The following TSNARE1 variants were observed in gnomAD, a reference collection of about 807,000 sequenced individuals.
TSNARE1 encodes t-SNARE domain-containing protein 1.
Under a neutral mutation model 62.0 loss-of-function variants are expected in TSNARE1, and 49 were observed. The observed-to-expected ratio is 0.79, with a 90% CI of 0.63 to 1.00. The LOEUF is 1.00. TSNARE1 is among the 50% of genes least tolerant of loss of function. The pLI, the probability that TSNARE1 is intolerant of heterozygous loss-of-function variation, is 0.00. For missense variants in TSNARE1, 755 were observed against 700.1 expected (o/e 1.08, Z -0.88); for synonymous variants, 328 against 294.4 (o/e 1.11, Z -1.17).
At chr8:142,375,646 G>A (rs1409054456) in intron 1 of TSNARE1, among the ~76,000 whole-genome samples, 1 of 152,268 alleles carries the variant, frequency 6.6e-6, no homozygotes, top group Non-Finnish European at 1.5e-5. Flanking sequence ...TCTCTCAAAG[G>A]TCTGACCCTT....
At chr8:142,401,721 C>G (rs1265706991) in intron 1 of TSNARE1, among the ~76,000 whole-genome samples, 1 of 152,238 alleles carries the variant, frequency 6.6e-6, no homozygotes, top group South Asian at 2.1e-4. Flanking sequence ...AGAGGTGACC[C>G]AGCCAAAACT....
At chr8:142,225,810 G>A (rs911869785) in intron 13 of TSNARE1, among the ~76,000 whole-genome samples, 31 of 152,208 alleles carry the variant, frequency 2.0e-4, no homozygotes, top group African/African-American at 2.9e-4. Flanking sequence ...TACCGTATGC[G>A]GGCGGTGCTC....
intron 11 of TSNARE1, chr8:142,279,888 G>A (rs1415320609): frequency 1.9e-5 from 20 of 1,038,030 alleles, no homozygotes; most frequent in Non-Finnish European, 2.3e-5. Flanking sequence ...TCTGGCCCTC[G>A]CCTTGGGGAC....
At chr8:142,223,267 C>T (rs188234947) in intron 13 of TSNARE1, among the ~76,000 whole-genome samples, 4 of 14,642 alleles carry the variant, frequency 2.7e-4, no homozygotes, top group African/African-American at 7.8e-4. Flanking sequence ...CACTCACTCA[C>T]TCATTCAGTC....
rs78552133 is a variant in TSNARE1, at chr8:142,227,170, T to C, written c.*11+2303A>G. Among the ~76,000 whole-genome samples, 47 of 143,054 alleles carry C rather than the reference T, an allele frequency of 3.3e-4. 1 individual carries two copies. The highest frequency in any genetic ancestry group is 9.5e-4 in the African/African-American group (36 of 38,038). 93.8% of individuals were successfully genotyped at this position (143,054 alleles called of 152,430 possible). On this transcript the variant is annotated intron_variant, in intron 13 of 13. Transcript: ENST00000524325. ...CCAGTGACAGCCAGGACCTCCACTGTGCCCACACCCCAGTGACAGTGAGGA... is the reference window on the plus strand; with the variant it reads ...CCAGTGACAGCCAGGACCTCCACTGCGCCCACACCCCAGTGACAGTGAGGA...
At chr8:142,277,133 A>C in intron 11 of TSNARE1, 2 of 985,262 alleles carry the variant, frequency 2.0e-6, no homozygotes, top group Non-Finnish European at 2.4e-6. Flanking sequence ...GGAGGCCCCC[A>C]GTCTGTGAGG....
In TSNARE1 at chr8:142,236,160, T is replaced by C. The variant is rs555683367; in HGVS notation, c.1447-6581A>G. Among the ~76,000 whole-genome samples the C allele has an allele frequency of 4.6e-5, 7 of 152,256 alleles. No homozygotes were observed. The East Asian group carries it at 9.7e-4, about 21-fold the overall frequency. ...CTCTGGAGGTGGGATCCTGGGGTGCTTTCTTTTGCTTTGACTTCTGTTACA... is the reference window on the plus strand; with the variant it reads ...CTCTGGAGGTGGGATCCTGGGGTGCCTTCTTTTGCTTTGACTTCTGTTACA... On this transcript the variant is annotated intron_variant, in intron 12 of 13. Coordinates refer to ENST00000524325, the MANE Select transcript of TSNARE1 (RefSeq NM_145003.5).
At chr8:142,353,528 T>A (rs549924826) in intron 2 of TSNARE1, among the ~76,000 whole-genome samples, 1 of 152,268 alleles carries the variant, frequency 6.6e-6, no homozygotes, top group African/African-American at 2.4e-5. Context: ...CCAATGGCCA[T>A]CTGCACCCGT....
At chr8:142,278,308 G>A in intron 11 of TSNARE1, 1 of 985,468 alleles carries the variant, frequency 1.0e-6, no homozygotes, top group Non-Finnish European at 1.2e-6. Flanking sequence ...AGCTGAGGAT[G>A]CCCCAGCGCT....
chr8:142,273,801 G>T, intron 12 of TSNARE1: 1 of 985,356 alleles, frequency 1.0e-6, no homozygotes, highest in Non-Finnish European at 1.2e-6. Context: ...TCCAGCTGCG[G>T]CCCCCTTTTC....
At chr8:142,270,366 C>T (rs1042678107) in intron 12 of TSNARE1, 38 of 985,290 alleles carry the variant, frequency 3.9e-5, no homozygotes, top group Admixed American at 6.1e-5. Context: ...CGTCAGCAGC[C>T]GCACTGCTGC....
At chr8:142,326,094 A>C (rs1314792994) in intron 6 of TSNARE1, 2 of 181,694 alleles carry the variant, frequency 1.1e-5, no homozygotes, top group Non-Finnish European at 2.3e-5. Flanking sequence ...ACGGATGACG[A>C]ACCAGCACCA....
chr8:142,352,664 A>G (rs537444925), intron 2 of TSNARE1, among the ~76,000 whole-genome samples: 85 of 152,392 alleles, frequency 5.6e-4, no homozygotes, highest in African/African-American at 2.0e-3. Flanking sequence ...GCGTAAAAGC[A>G]GCACGACACG....
At chr8:142,229,689 C>T (rs1817011480) in intron 12 of TSNARE1, 110 bp from the exon 13 acceptor site, 1 of 881,444 alleles carries the variant, frequency 1.1e-6, no homozygotes, top group Admixed American at 2.0e-5. Flanking sequence ...GCTGAGTCCA[C>T]CCTGGGGCAG....
intron 12 of TSNARE1, among the ~76,000 whole-genome samples, chr8:142,245,461 C>G (rs1167017146): frequency 6.6e-6 from 1 of 152,200 alleles, no homozygotes; most frequent in Non-Finnish European, 1.5e-5. Flanking sequence ...TAGGGTCACA[C>G]AATGTCATCT....
intron 11 of TSNARE1, chr8:142,278,050 T>C (rs1820787389): frequency 1.0e-6 from 1 of 985,408 alleles, no homozygotes. Flanking sequence ...CAGCCATCCC[T>C]GGCCTGCACA....
At chr8:142,241,759 C>G (rs1336165115) in intron 12 of TSNARE1, among the ~76,000 whole-genome samples, 2 of 152,334 alleles carry the variant, frequency 1.3e-5, no homozygotes, top group East Asian at 3.9e-4. Context: ...GGGGATATGA[C>G]AGTCTCTGCA....
At chr8:142,223,179 C>CACTCACTCAT (rs1586769449) in intron 13 of TSNARE1, among the ~76,000 whole-genome samples, 1 of 120,768 alleles carries the variant, frequency 8.3e-6, no homozygotes, top group Non-Finnish European at 1.8e-5. Flanking sequence ...CTCAAGTATT[C>CACTCACTCAT]ACTCATTCAC....
At chr8:142,318,228 G>C (rs934793145) in intron 7 of TSNARE1, among the ~76,000 whole-genome samples, 1 of 152,160 alleles carries the variant, frequency 6.6e-6, no homozygotes, top group Non-Finnish European at 1.5e-5. Flanking sequence ...AACAATGGCG[G>C]GCCATCAGCT....
Sources: allele counts gnomAD v4.1 joint callset (sites outside exome capture counted in the v4.1 genomes callset), GRCh38; gene constraint gnomAD v4.1.1; transcripts MANE v1.5; gene names NCBI Gene and HGNC (gene_info 2026-07-23, HGNC 2026-07-21).